Variants in CRADD observed in about 807,000 individuals in gnomAD.
CRADD encodes death domain-containing protein CRADD.
A neutral mutation model predicts 15.5 loss-of-function variants in CRADD; 9 were observed. That is an observed-to-expected ratio of 0.58 (90% CI 0.35 to 1.01). CRADD has a LOEUF of 1.01. Among genes scored for constraint, CRADD ranks in the 50% least tolerant of loss-of-function variants. The pLI, the probability that CRADD is intolerant of heterozygous loss-of-function variation, is 0.02. For synonymous variants in CRADD, 118 were observed against 107.6 expected, an observed-to-expected ratio of 1.10 and a Z score of -0.60; for missense variants, 227 against 250.3, an observed-to-expected ratio of 0.91 and a Z score of 0.63.
chr12:93,870,788 A>G (rs1958412242), intron 2 of CRADD, among the ~76,000 whole-genome samples: 1 of 152,218 alleles, frequency 6.6e-6, no homozygotes, highest in Admixed American at 6.5e-5. Context: ...TTTGAGTGGC[A>G]TGGGGGTTCT....
Position 93,719,282 on chromosome 12 carries a change from C to A in CRADD, c.298+40210C>A, listed in dbSNP as rs370356616. ...GATTTTGTATGTTGAACCAGCCTTGCATAATTGGGATAAATCCCACTTGGT... is the reference window on the plus strand; with the variant it reads ...GATTTTGTATGTTGAACCAGCCTTGAATAATTGGGATAAATCCCACTTGGT... On this transcript the variant is annotated intron_variant, in intron 2 of 2. Coordinates refer to ENST00000332896, the MANE Select transcript of CRADD (RefSeq NM_003805.5). Among the ~76,000 whole-genome samples, 129 of 152,290 alleles carry A rather than the reference C, an allele frequency of 8.5e-4. 1 individual carries two copies. Among genetic ancestry groups the A allele is most frequent in the African/African-American group, 2.6e-3 (109 of 41,560 alleles).
At chr12:93,721,316 ACT>A (rs1565887280) in intron 2 of CRADD, among the ~76,000 whole-genome samples, 2 of 152,048 alleles carry the variant, frequency 1.3e-5, no homozygotes, top group Non-Finnish European at 2.9e-5. Flanking sequence ...ATTTCAAATA[ACT>A]CTGTACTAAT....
chr12:93,833,913 T>C (rs904934431), intron 2 of CRADD, among the ~76,000 whole-genome samples: 9 of 152,168 alleles, frequency 5.9e-5, no homozygotes, highest in African/African-American at 2.2e-4. Context: ...TCATATTTGC[T>C]CAGTCTCTTC....
intron 2 of CRADD, among the ~76,000 whole-genome samples, chr12:93,859,022 A>G (rs1338955998): frequency 6.6e-6 from 1 of 152,204 alleles, no homozygotes; most frequent in African/African-American, 2.4e-5. Flanking sequence ...CTTCGTTCTG[A>G]AGGCTCACCT....
intron 2 of CRADD, among the ~76,000 whole-genome samples, chr12:93,802,012 A>G (rs1182051396): frequency 6.6e-6 from 1 of 152,206 alleles, no homozygotes; most frequent in Non-Finnish European, 1.5e-5. Context: ...AGTTGCCACA[A>G]AAGACATTAT....
chr12:93,840,410 C>G (rs1220820954), intron 2 of CRADD, among the ~76,000 whole-genome samples: 1 of 152,034 alleles, frequency 6.6e-6, no homozygotes, highest in African/African-American at 2.4e-5. Flanking sequence ...TTAAGTTGAT[C>G]TTGTATCTGG....
intron 2 of CRADD, among the ~76,000 whole-genome samples, chr12:93,799,347 A>G (rs12317249): frequency 0.31 from 47,713 of 152,018 alleles, 7,762 homozygotes; most frequent in East Asian, 0.54. Flanking sequence ...ACAATTTGAA[A>G]TGCATTTTAT....
chr12:93,858,582 G>A (rs1218790043), intron 2 of CRADD, among the ~76,000 whole-genome samples: 1 of 152,214 alleles, frequency 6.6e-6, no homozygotes, highest in Non-Finnish European at 1.5e-5. Context: ...AGCAGCCTCA[G>A]AAGCAAAGTC....
At chr12:93,840,847 A>G (rs998074173) in intron 2 of CRADD, among the ~76,000 whole-genome samples, 2 of 152,080 alleles carry the variant, frequency 1.3e-5, no homozygotes, top group African/African-American at 2.4e-5. Flanking sequence ...TCTTTTCTTT[A>G]TAGCACTGGT....
chr12:93,760,622 T>TG (rs1956943445), intron 2 of CRADD, among the ~76,000 whole-genome samples: 1 of 152,180 alleles, frequency 6.6e-6, no homozygotes, highest in Non-Finnish European at 1.5e-5. Flanking sequence ...AGGTGTGTGA[T>TG]GGTGGCTTCT....
intron 2 of CRADD, among the ~76,000 whole-genome samples, chr12:93,828,853 T>G (rs553167192): frequency 6.6e-6 from 1 of 152,360 alleles, no homozygotes; most frequent in East Asian, 1.9e-4. Flanking sequence ...CTTGTCAATT[T>G]CTATTTTTAA....
At chr12:93,798,567 G>A (rs1292969701) in intron 2 of CRADD, among the ~76,000 whole-genome samples, 1 of 152,128 alleles carries the variant, frequency 6.6e-6, no homozygotes, top group Non-Finnish European at 1.5e-5. Flanking sequence ...CAAAGTCACA[G>A]CTAGTAGGTG....
At chr12:93,703,570 C>T (rs944290835) in intron 2 of CRADD, among the ~76,000 whole-genome samples, 3 of 151,962 alleles carry the variant, frequency 2.0e-5, no homozygotes, top group Non-Finnish European at 4.4e-5. Flanking sequence ...CCATGTTGTC[C>T]AGGCTGGTGT....
exon 3 of CRADD, chr12:93,894,345 G>C (rs186012008): frequency 1.2e-4 from 66 of 564,036 alleles, no homozygotes; most frequent in Admixed American, 4.3e-4. Flanking sequence ...ACAATGCTCA[G>C]ATGGCCCCTA....
At chr12:93,686,843 G>A (rs1187006413) in intron 2 of CRADD, among the ~76,000 whole-genome samples, 1 of 151,836 alleles carries the variant, frequency 6.6e-6, no homozygotes, top group Non-Finnish European at 1.5e-5. Flanking sequence ...TTCCCACTGA[G>A]TTTGAAATGG....
intron 2 of CRADD, among the ~76,000 whole-genome samples, chr12:93,836,948 A>G (rs1336912226): frequency 2.6e-5 from 4 of 152,208 alleles, no homozygotes; most frequent in African/African-American, 9.6e-5. Context: ...AAGGTGATTT[A>G]TGGACAAAGG....
chr12:93,737,236 G>A (rs1400660717), intron 2 of CRADD, among the ~76,000 whole-genome samples: 1 of 152,200 alleles, frequency 6.6e-6, no homozygotes. Flanking sequence ...TTACTATATT[G>A]CAAGTATGAA....
At chr12:93,685,022 A>C (rs1248678244) in intron 2 of CRADD, among the ~76,000 whole-genome samples, 1 of 152,234 alleles carries the variant, frequency 6.6e-6, no homozygotes, top group Non-Finnish European at 1.5e-5. Flanking sequence ...TGTGGGATTA[A>C]GTAATATTGA....
chr12:93,736,082 G>A (rs1315151267), intron 2 of CRADD, among the ~76,000 whole-genome samples: 1 of 152,050 alleles, frequency 6.6e-6, no homozygotes, highest in African/African-American at 2.4e-5. Context: ...GCAAGCACCA[G>A]GCACATCTAA....
Sources: allele counts gnomAD v4.1 joint callset (sites outside exome capture counted in the v4.1 genomes callset), GRCh38; gene constraint gnomAD v4.1.1; transcripts MANE v1.5; gene names NCBI Gene and HGNC (gene_info 2026-07-23, HGNC 2026-07-21).